ABCC4: variants seen among roughly 807,000 people sequenced by gnomAD.
The protein encoded by ABCC4 is ATP-binding cassette sub-family C member 4.
A neutral mutation model predicts 168.5 loss-of-function variants in ABCC4; 102 were observed. That is an observed-to-expected ratio of 0.61 (90% CI 0.52 to 0.71). The LOEUF is 0.71. Ranked by LOEUF, ABCC4 falls within the 30% of genes least tolerant of loss-of-function variation. ABCC4 has a pLI of 0.00. For missense variants in ABCC4, 1,402 were observed against 1,605.8 expected (o/e 0.87, Z 2.17); for synonymous variants, 617 against 590.7 (o/e 1.04, Z -0.65).
intron 29 of ABCC4, 80 bp from the exon 30 acceptor site, chr13:95,034,819 G>C (rs2032050814): frequency 6.3e-7 from 1 of 1,593,046 alleles, no homozygotes. Flanking sequence ...ATTTCGGAAA[G>C]GGGCAGGAGA....
chr13:95,170,287 A>G, intron 14 of ABCC4: 1 of 384,394 alleles, frequency 2.6e-6, no homozygotes, highest in African/African-American at 2.1e-5. Context: ...AGGTAAACAA[A>G]AAGTTCTAAA....
At chr13:95,025,986 G>A (rs932950127) in intron 30 of ABCC4, among the ~76,000 whole-genome samples, 2 of 152,226 alleles carry the variant, frequency 1.3e-5, no homozygotes, top group Non-Finnish European at 2.9e-5. Context: ...GGAGGCTGAG[G>A]TGGGAGGATC....
intron 11 of ABCC4, among the ~76,000 whole-genome samples, chr13:95,181,415 A>T (rs2037885208): frequency 6.6e-6 from 1 of 152,186 alleles, no homozygotes; most frequent in African/African-American, 2.4e-5. Context: ...TCAACATCCT[A>T]TTCTTCTTTC....
At position 95,206,799 on chromosome 13, in the gene ABCC4, T is replaced by G; in HGVS notation, c.912-18A>C. ...TCTCCTTCCTGAAAGAGAGTACAGG[T>G]TTTTAAAAAAGCAGTGATGTCAACC... On this transcript the variant is annotated intron_variant, in intron 7 of 30. Transcript: ENST00000645237. The G allele has an allele frequency of 1.2e-6, 2 of 1,611,852 alleles. No homozygotes were observed. The highest frequency in any genetic ancestry group is 1.7e-6 in the Non-Finnish European group (2 of 1,178,414).
chr13:95,200,161 T>C (rs2038582601), intron 8 of ABCC4, among the ~76,000 whole-genome samples: 1 of 152,218 alleles, frequency 6.6e-6, no homozygotes. Context: ...TAAGCATTTA[T>C]CACAGTGCCA....
intron 25 of ABCC4, among the ~76,000 whole-genome samples, chr13:95,066,080 TAA>T (rs1037312512): frequency 6.6e-6 from 1 of 152,238 alleles, no homozygotes; most frequent in African/African-American, 2.4e-5. Flanking sequence ...CTGTGAGGAC[TAA>T]GTGTGCACAT....
At chr13:95,124,371 T>C (rs1231794684) in intron 19 of ABCC4, among the ~76,000 whole-genome samples, 3 of 151,928 alleles carry the variant, frequency 2.0e-5, no homozygotes, top group African/African-American at 7.3e-5. Flanking sequence ...AGGGTCATCT[T>C]GGTTCATTCA....
At chr13:95,223,759 C>T (rs747091129) in intron 4 of ABCC4, among the ~76,000 whole-genome samples, 1 of 152,132 alleles carries the variant, frequency 6.6e-6, no homozygotes, top group Non-Finnish European at 1.5e-5. Flanking sequence ...GCCTTGGCCT[C>T]CCAAAGTGTT....
chr13:95,225,003 T>C (rs2039414255), intron 4 of ABCC4, among the ~76,000 whole-genome samples: 1 of 152,104 alleles, frequency 6.6e-6, no homozygotes, highest in Non-Finnish European at 1.5e-5. Context: ...TAAGAAACTT[T>C]AAATACAAGT....
At chr13:95,182,107 A>G (rs934893122) in intron 11 of ABCC4, among the ~76,000 whole-genome samples, 1 of 152,140 alleles carries the variant, frequency 6.6e-6, no homozygotes, top group Non-Finnish European at 1.5e-5. Flanking sequence ...TTTATTTCCT[A>G]TTATGTCACT....
At chr13:95,207,683 G>T in intron 7 of ABCC4, 117 bp downstream of exon 7, 1 of 1,084,650 alleles carries the variant, frequency 9.2e-7, no homozygotes, top group Non-Finnish European at 1.3e-6. Flanking sequence ...GTGGGGACTG[G>T]GATGGATTGT....
intron 19 of ABCC4, among the ~76,000 whole-genome samples, chr13:95,147,127 T>G (rs1417552671): frequency 6.6e-6 from 1 of 152,216 alleles, no homozygotes; most frequent in South Asian, 2.1e-4. Context: ...GTTGGGTGTC[T>G]CTGCCTGAAG....
rs995640615 is a variant in ABCC4, at chr13:95,149,624, G to GA, written c.2455+11564dup. On this transcript the variant is annotated intron_variant, in intron 19 of 30. Transcript: ENST00000645237. ...CTACTTTTAAATATGTAAAGGTAATGAAAAAAAATAATCCATGATTGTAAC... is the reference window on the plus strand; with the variant it reads ...CTACTTTTAAATATGTAAAGGTAATGAAAAAAAAATAATCCATGATTGTAAC... Among the ~76,000 whole-genome samples the GA allele has an allele frequency of 3.9e-5, 6 of 152,040 alleles. No individual in the cohort carries two copies. The East Asian group carries it at 7.7e-4, about 20-fold the overall frequency.
At chr13:95,061,224 A>C (rs1325539295) in intron 26 of ABCC4, among the ~76,000 whole-genome samples, 1 of 152,104 alleles carries the variant, frequency 6.6e-6, no homozygotes, top group Admixed American at 6.6e-5. Flanking sequence ...TCCTGCTTTT[A>C]ATTCTTTCTG....
At chr13:95,232,712 G>A (rs1236654354) in intron 4 of ABCC4, among the ~76,000 whole-genome samples, 3 of 151,580 alleles carry the variant, frequency 2.0e-5, no homozygotes, top group Non-Finnish European at 4.4e-5. Flanking sequence ...TTAAAAAAAC[G>A]GCCCAGGACA....
chr13:95,058,202 C>T (rs747146076), intron 26 of ABCC4, among the ~76,000 whole-genome samples: 4 of 152,134 alleles, frequency 2.6e-5, no homozygotes, highest in Non-Finnish European at 4.4e-5. Context: ...AATGACCTAA[C>T]TGTCCAAATG....
In ABCC4 at chr13:95,137,596, G is replaced by A. The variant is rs564026164; in HGVS notation, c.2456-21595C>T. Among the ~76,000 whole-genome samples the A allele has an allele frequency of 2.0e-5, 3 of 152,234 alleles. No homozygotes were observed. The South Asian group carries it at 6.2e-4, about 32-fold the overall frequency. On this transcript the variant is annotated intron_variant, in intron 19 of 30. Coordinates refer to ENST00000645237, the MANE Select transcript of ABCC4 (RefSeq NM_005845.5). ...ATAAAATGTGGAAATACAGGAAATG[G>A]GAGAGGCACCTGCGGGTCAAATGCA...
intron 29 of ABCC4, among the ~76,000 whole-genome samples, chr13:95,036,085 A>G (rs1267406600): frequency 6.6e-6 from 1 of 152,214 alleles, no homozygotes; most frequent in Non-Finnish European, 1.5e-5. Flanking sequence ...TGGCATGCCA[A>G]TTTAGATACC....
At chr13:95,141,572 G>T (rs915213185) in intron 19 of ABCC4, among the ~76,000 whole-genome samples, 1 of 152,078 alleles carries the variant, frequency 6.6e-6, no homozygotes, top group Non-Finnish European at 1.5e-5. Context: ...GGGTATCAAT[G>T]AAGTTTTTAA....
Sources: allele counts gnomAD v4.1 joint callset (sites outside exome capture counted in the v4.1 genomes callset), GRCh38; gene constraint gnomAD v4.1.1; transcripts MANE v1.5; gene names NCBI Gene and HGNC (gene_info 2026-07-23, HGNC 2026-07-21).